The following TRIT1 variants were observed in gnomAD, a reference collection of about 807,000 sequenced individuals.
The protein encoded by TRIT1 is tRNA isopentenyltransferase 1, also known as tRNA dimethylallyltransferase.
TRIT1 carries 43 observed loss-of-function variants against 51.2 expected under a neutral mutation model. That is an observed-to-expected ratio of 0.84 (90% CI 0.66 to 1.08). The LOEUF (loss-of-function observed/expected upper bound fraction) is 1.08, where lower values mean the gene tolerates loss of function less well. Among genes scored for constraint, TRIT1 ranks in the 50% least tolerant of loss-of-function variants. TRIT1 has a pLI of 0.00. For missense variants in TRIT1, 528 were observed against 578.4 expected, an observed-to-expected ratio of 0.91 and a Z score of 0.89; for synonymous variants, 184 against 203.9, an observed-to-expected ratio of 0.90 and a Z score of 0.83.
intron 1 of TRIT1, among the ~76,000 whole-genome samples, chr1:39,879,556 G>A (rs926200062): frequency 6.6e-6 from 1 of 151,780 alleles, no homozygotes; most frequent in Non-Finnish European, 1.5e-5. Flanking sequence ...TGAGACAGGA[G>A]GACTGCTTGA....
chr1:39,861,923 C>CAAAA (rs60007826), intron 1 of TRIT1, among the ~76,000 whole-genome samples: 7 of 68,404 alleles, frequency 1.0e-4, no homozygotes, highest in South Asian at 5.4e-4. Context: ...GGCTCTGTCT[C>CAAAA]AAAAAAAAAA....
intron 2 of TRIT1, among the ~76,000 whole-genome samples, 192 bp downstream of exon 2, chr1:39,857,085 A>G (rs1642943504): frequency 6.6e-6 from 1 of 152,244 alleles, no homozygotes; most frequent in South Asian, 2.1e-4. Context: ...ATGATGCCAC[A>G]GTCTAAGGAC....
chr1:39,847,135 C>T, intron 8 of TRIT1, 85 bp downstream of exon 8: 1 of 1,137,206 alleles, frequency 8.8e-7, no homozygotes, highest in South Asian at 1.4e-5. Context: ...GGCCCAGAAT[C>T]TAAAATTCAT....
rs1042933194 is a variant in TRIT1 at position 39,869,965 on chromosome 1, G to C, written c.175-12548C>G. Among the ~76,000 whole-genome samples, 137 of 152,278 alleles carry C rather than the reference G, an allele frequency of 9.0e-4. 1 individual carries two copies. Among genetic ancestry groups the C allele is most frequent in the African/African-American group, 3.2e-3 (131 of 41,574 alleles). ...GCCTCTGCCTGGCTGCCCCGTCTGGGAGGTGGGGGGCCCCTCTCTCCGGCC... is the reference window on the plus strand; with the variant it reads ...GCCTCTGCCTGGCTGCCCCGTCTGGCAGGTGGGGGGCCCCTCTCTCCGGCC... On this transcript the variant is annotated intron_variant, in intron 1 of 10. Coordinates refer to ENST00000316891, the MANE Select transcript of TRIT1 (RefSeq NM_017646.6).
rs952785208 is a variant in TRIT1 at position 39,840,166 on chromosome 1, T to C, written c.*1578A>G. Among the ~76,000 whole-genome samples the C allele has an allele frequency of 3.3e-5, 5 of 152,214 alleles. No individual in the cohort carries two copies. In the East Asian group the frequency reaches 9.6e-4, roughly 29 times the overall value. On this transcript the variant is annotated 3_prime_UTR_variant, in exon 11 of 11. Transcript: ENST00000316891. ...CTGCTTGGCTCACAGTAAGTACTCA[T>C]CTCCACTCCCACCGGGAAGATGTGG...
chr1:39,851,896 A>G (rs560453349), intron 4 of TRIT1, among the ~76,000 whole-genome samples: 41 of 151,614 alleles, frequency 2.7e-4, no homozygotes, highest in African/African-American at 9.7e-4. Context: ...GCAGTGAGCC[A>G]TGATTGTGCC....
intron 1 of TRIT1, among the ~76,000 whole-genome samples, chr1:39,870,770 T>C (rs1324852320): frequency 1.3e-5 from 2 of 152,160 alleles, no homozygotes; most frequent in African/African-American, 4.8e-5. Flanking sequence ...ACCATAAAGT[T>C]ACCAAACAGC....
At chr1:39,868,038 G>A (rs912215281) in intron 1 of TRIT1, among the ~76,000 whole-genome samples, 1 of 151,114 alleles carries the variant, frequency 6.6e-6, no homozygotes, top group African/African-American at 2.4e-5. Context: ...TCCGCCTCCC[G>A]GGTTCATGCC....
At chr1:39,870,301 C>T (rs1557575880) in intron 1 of TRIT1, among the ~76,000 whole-genome samples, 1 of 152,020 alleles carries the variant, frequency 6.6e-6, no homozygotes, top group Non-Finnish European at 1.5e-5. Flanking sequence ...TAAACAGATG[C>T]TTGAAGGCAG....
At chr1:39,869,751 G>C (rs544405272) in intron 1 of TRIT1, among the ~76,000 whole-genome samples, 2 of 150,658 alleles carry the variant, frequency 1.3e-5, no homozygotes, top group Admixed American at 1.3e-4. Flanking sequence ...GTCTCTGCCC[G>C]ACCGCCACCC....
chr1:39,882,667 C>T (rs1437459822), intron 1 of TRIT1, among the ~76,000 whole-genome samples: 3 of 152,250 alleles, frequency 2.0e-5, no homozygotes, highest in African/African-American at 7.2e-5. Flanking sequence ...CCGGACAGGG[C>T]ACTCTGTTCT....
chr1:39,882,366 G>C (rs1034741580), intron 1 of TRIT1, among the ~76,000 whole-genome samples: 1 of 152,164 alleles, frequency 6.6e-6, no homozygotes, highest in African/African-American at 2.4e-5. Context: ...TACTCATCAG[G>C]TGCTATGTTC....
At chr1:39,881,301 T>G (rs1305467144) in intron 1 of TRIT1, among the ~76,000 whole-genome samples, 1 of 151,896 alleles carries the variant, frequency 6.6e-6, no homozygotes, top group Admixed American at 6.6e-5. Context: ...GTCATCAGTG[T>G]AACTCCATCT....
At position 39,841,728 on chromosome 1, in the gene TRIT1, C is replaced by G; in HGVS notation, c.*16G>C. ...TGGATCCCCACCACCTTTCCAAAGG[C>G]CACTGGACATGTCTCTTAAACGCTG... On this transcript the variant is annotated 3_prime_UTR_variant, in exon 11 of 11. Coordinates refer to ENST00000316891, the MANE Select transcript of TRIT1 (RefSeq NM_017646.6). 3.7e-6 allele frequency: 6 copies of G among 1,601,630 alleles called. No homozygotes were observed. Among genetic ancestry groups the G allele is most frequent in the Non-Finnish European group, 5.1e-6 (6 of 1,174,590 alleles).
chr1:39,848,066 A>G lies in TRIT1; in HGVS notation c.735T>C (p.Asp245=), dbSNP rs763465310. The G allele has an allele frequency of 3.7e-6, 6 of 1,614,084 alleles. No individual in the cohort carries two copies. In the Admixed American group the frequency reaches 1.0e-4, roughly 27 times the overall value. ...CCAAGAGCCCAGCAGCAAGCATGTC[A>G]TCCACCCTCTTATCCAAGCGCTCAT... ...VLDERLDKRV[D]DMLAAGLLEE... Residue 245 remains aspartate (D), a synonymous_variant, in exon 6 of 11, where the codon GAT becomes GAC. Coordinates refer to ENST00000316891, the MANE Select transcript of TRIT1 (RefSeq NM_017646.6).
intron 1 of TRIT1, among the ~76,000 whole-genome samples, chr1:39,859,294 A>C (rs950733243): frequency 7.5e-6 from 1 of 133,740 alleles, no homozygotes; most frequent in African/African-American, 3.0e-5. Context: ...AAAAAAAAAA[A>C]AACGAAAGAG....
At chr1:39,882,028 G>A (rs1458127937) in intron 1 of TRIT1, among the ~76,000 whole-genome samples, 5 of 152,144 alleles carry the variant, frequency 3.3e-5, no homozygotes, top group Non-Finnish European at 7.4e-5. Context: ...GCCATATATT[G>A]TATTAAGTAC....
intron 3 of TRIT1, among the ~76,000 whole-genome samples, 173 bp from the exon 4 acceptor site, chr1:39,853,049 GCAAA>G (rs1642678157): frequency 6.6e-6 from 1 of 152,178 alleles, no homozygotes; most frequent in Non-Finnish European, 1.5e-5. Context: ...TGAGGCCACA[GCAAA>G]CAAAAAAGAC....
At chr1:39,882,925 T>C (rs1644308595) in intron 1 of TRIT1, among the ~76,000 whole-genome samples, 2 of 152,072 alleles carry the variant, frequency 1.3e-5, no homozygotes, top group Non-Finnish European at 1.5e-5. Flanking sequence ...AGGGTTAGAG[T>C]TACAACAAAA....
Sources: allele counts gnomAD v4.1 joint callset (sites outside exome capture counted in the v4.1 genomes callset), GRCh38; gene constraint gnomAD v4.1.1; transcripts MANE v1.5; gene names NCBI Gene and HGNC (gene_info 2026-07-23, HGNC 2026-07-21).